TAFA5: variants seen among roughly 807,000 people sequenced by gnomAD.
TAFA5 encodes the protein TAFA chemokine like family member 5.
A neutral mutation model predicts 15.3 loss-of-function variants in TAFA5; 6 were observed. The observed-to-expected ratio is 0.39, with a 90% CI of 0.21 to 0.77. The LOEUF is 0.77. Ranked by LOEUF, TAFA5 falls within the 30% of genes least tolerant of loss-of-function variation. The pLI, the probability that TAFA5 is intolerant of heterozygous loss-of-function variation, is 0.41. For missense variants in TAFA5, 161 were observed against 193.1 expected, an observed-to-expected ratio of 0.83 and a Z score of 0.98; for synonymous variants, 103 against 80.7, an observed-to-expected ratio of 1.28 and a Z score of -1.48.
chr22:48,678,620 C>T (rs375183441), intron 2 of TAFA5, among the ~76,000 whole-genome samples: 12 of 136,150 alleles, frequency 8.8e-5, no homozygotes, highest in East Asian at 2.3e-4. Flanking sequence ...GCAGGTGGTG[C>T]GGCCTCTGTC....
chr22:48,496,439 A>C (rs1030350489), intron 1 of TAFA5, among the ~76,000 whole-genome samples: 2 of 152,262 alleles, frequency 1.3e-5, no homozygotes, highest in Admixed American at 1.3e-4. Context: ...TGAGGCAGCC[A>C]CAGGGAACCT....
At chr22:48,542,298 T>C (rs1404773890) in intron 1 of TAFA5, among the ~76,000 whole-genome samples, 1 of 31,594 alleles carries the variant, frequency 3.2e-5, no homozygotes, top group African/African-American at 5.4e-5. Context: ...GCATGTGTGA[T>C]GTGTGTGTAG....
chr22:48,583,242 G>A (rs867248651), intron 1 of TAFA5, among the ~76,000 whole-genome samples: 788 of 39,142 alleles, frequency 0.02, 7 homozygotes, highest in African/African-American at 0.062. Context: ...ACCACACACC[G>A]CACACACACC....
At chr22:48,585,884 T>C (rs1182507010) in intron 1 of TAFA5, among the ~76,000 whole-genome samples, 1 of 152,000 alleles carries the variant, frequency 6.6e-6, no homozygotes, top group Non-Finnish European at 1.5e-5. Context: ...ACATGCATGT[T>C]ATACACACAC....
At chr22:48,651,231 A>G (rs1280732366) in intron 2 of TAFA5, among the ~76,000 whole-genome samples, 5 of 152,132 alleles carry the variant, frequency 3.3e-5, no homozygotes, top group African/African-American at 1.2e-4. Flanking sequence ...GAAGGGTGGT[A>G]GCCTCAAGTC....
intron 1 of TAFA5, among the ~76,000 whole-genome samples, chr22:48,515,948 C>T (rs987822797): frequency 2.0e-5 from 3 of 151,978 alleles, no homozygotes; most frequent in Non-Finnish European, 2.9e-5. Flanking sequence ...TCAGAGACCC[C>T]CACCCTACCC....
At chr22:48,502,413 G>A (rs571304992) in intron 1 of TAFA5, among the ~76,000 whole-genome samples, 3 of 108,076 alleles carry the variant, frequency 2.8e-5, no homozygotes, top group South Asian at 5.4e-4. Flanking sequence ...GGGGGAGCTG[G>A]GAGTACTTTT....
intron 1 of TAFA5, among the ~76,000 whole-genome samples, chr22:48,609,491 G>A: frequency 6.6e-6 from 1 of 152,212 alleles, no homozygotes; most frequent in African/African-American, 2.4e-5. Context: ...ACAGGGCGCT[G>A]GAGCCAGGAG....
chr22:48,662,691 A>G (rs1021978183), intron 2 of TAFA5, among the ~76,000 whole-genome samples: 15 of 152,166 alleles, frequency 9.9e-5, no homozygotes, highest in Admixed American at 9.8e-4. Context: ...AGTGAGAGAC[A>G]CAGGCTGGGA....
chr22:48,724,622 C>T (rs914092951), intron 3 of TAFA5, among the ~76,000 whole-genome samples: 7 of 152,328 alleles, frequency 4.6e-5, no homozygotes, highest in East Asian at 3.9e-4. Context: ...AACAAGTAAG[C>T]GCTGAAAAGC....
intron 1 of TAFA5, among the ~76,000 whole-genome samples, chr22:48,501,989 G>T (rs1920954883): frequency 6.6e-6 from 1 of 152,210 alleles, no homozygotes; most frequent in South Asian, 2.1e-4. Context: ...TTCAGGTTTT[G>T]AACTTAAAGC....
intron 1 of TAFA5, among the ~76,000 whole-genome samples, chr22:48,623,249 T>C (rs1051241479): frequency 6.6e-6 from 1 of 151,290 alleles, no homozygotes; most frequent in African/African-American, 2.4e-5. Flanking sequence ...ACGTGCCGCG[T>C]GGCCCTGCGC....
At chr22:48,629,896 T>C (rs1269996962) in intron 1 of TAFA5, among the ~76,000 whole-genome samples, 1 of 151,664 alleles carries the variant, frequency 6.6e-6, no homozygotes, top group African/African-American at 2.4e-5. Flanking sequence ...GGCAGAGGAG[T>C]GCGGGCACCT....
chr22:48,563,964 C>A (rs1343408814), intron 1 of TAFA5, among the ~76,000 whole-genome samples: 2 of 151,968 alleles, frequency 1.3e-5, no homozygotes, highest in African/African-American at 4.9e-5. Flanking sequence ...GTAGAAGGAG[C>A]AGCTGTTCTC....
chr22:48,604,635 G>A (rs35522457), intron 1 of TAFA5, among the ~76,000 whole-genome samples: 19,449 of 152,232 alleles, frequency 0.13, 1,351 homozygotes, highest in African/African-American at 0.17. Context: ...TCCCATGGAA[G>A]GTGAGCACAT....
At chr22:48,691,224 T>C (rs1049377103) in intron 2 of TAFA5, among the ~76,000 whole-genome samples, 1 of 152,188 alleles carries the variant, frequency 6.6e-6, no homozygotes, top group African/African-American at 2.4e-5. Context: ...CAGGGGCCAC[T>C]TCTGGGCCCC....
At chr22:48,690,495 C>T (rs1928505274) in intron 2 of TAFA5, among the ~76,000 whole-genome samples, 1 of 152,178 alleles carries the variant, frequency 6.6e-6, no homozygotes, top group East Asian at 1.9e-4. Flanking sequence ...ATCCCAGGTG[C>T]TGGCCCTCCC....
intron 1 of TAFA5, among the ~76,000 whole-genome samples, chr22:48,571,715 T>C (rs2147138704): frequency 6.6e-6 from 1 of 151,732 alleles, no homozygotes; most frequent in South Asian, 2.1e-4. Flanking sequence ...AGATGTGCAT[T>C]TATTTATTTG....
chr22:48,578,107 G>A (rs1007102613), intron 1 of TAFA5, among the ~76,000 whole-genome samples: 1 of 152,244 alleles, frequency 6.6e-6, no homozygotes, highest in Non-Finnish European at 1.5e-5. Flanking sequence ...CGCGCTGCAA[G>A]TTCTCTGCCT....
Sources: allele counts gnomAD v4.1 joint callset (sites outside exome capture counted in the v4.1 genomes callset), GRCh38; gene constraint gnomAD v4.1.1; transcripts MANE v1.5; gene names NCBI Gene and HGNC (gene_info 2026-07-23, HGNC 2026-07-21).